ALS2: variants seen among roughly 807,000 people sequenced by gnomAD.
The protein encoded by ALS2 is alsin.
In ALS2, 117 loss-of-function variants were observed where a neutral mutation model predicts 203.4. The observed-to-expected ratio is 0.58, with a 90% confidence interval of 0.50 to 0.67. The LOEUF is 0.67. Ranked by LOEUF, ALS2 falls within the 30% of genes least tolerant of loss-of-function variation. The probability of loss-of-function intolerance (pLI) is 0.00; values close to 1 mark genes in which losing one functional copy is unlikely to be tolerated. For missense variants in ALS2, 1,715 were observed against 1,989.4 expected (o/e 0.86, Z 2.62); for synonymous variants, 718 against 725.9 (o/e 0.99, Z 0.17).
chr2:201,763,196 G>A (rs1180778924), intron 3 of ALS2: 1 of 207,360 alleles, frequency 4.8e-6, no homozygotes, highest in African/African-American at 2.4e-5. Flanking sequence ...CGTGCACAGA[G>A]GCTACTGGGG....
intron 17 of ALS2, 39 bp from the exon 18 acceptor site, chr2:201,726,905 A>G: frequency 6.4e-7 from 1 of 1,551,102 alleles, no homozygotes; most frequent in Non-Finnish European, 8.9e-7. Flanking sequence ...TTAAGGCAAC[A>G]ATTCATCAAG....
intron 4 of ALS2, among the ~76,000 whole-genome samples, chr2:201,759,270 T>C (rs1213267615): frequency 6.6e-6 from 1 of 152,214 alleles, no homozygotes; most frequent in African/African-American, 2.4e-5. Flanking sequence ...TGATGAAATA[T>C]ATAATTTTAG....
In ALS2 at chr2:201,701,892, G is replaced by A; in HGVS notation, c.4936-3C>T. On this transcript the variant is annotated splice_region_variant and splice_polypyrimidine_tract_variant and intron_variant, in intron 33 of 33. Coordinates refer to ENST00000264276, the MANE Select transcript of ALS2 (RefSeq NM_020919.4). ...CGCTGAATCTGGTAGTAACATGCCT[G>A]GAAGAAAAGTTCAAAATAATTTCAA... 6.2e-7 allele frequency: 1 copy of A among 1,613,336 alleles called. No individual in the cohort carries two copies.
At chr2:201,764,475 C>CA (rs10630810) in intron 3 of ALS2, among the ~76,000 whole-genome samples, 113 of 144,306 alleles carry the variant, frequency 7.8e-4, no homozygotes, top group African/African-American at 1.3e-3. Context: ...ACTAAAAATA[C>CA]AAAAAAAAAA....
chr2:201,761,794 G>C lies in ALS2; in HGVS notation c.200C>G (p.Thr67Ser). The C allele has an allele frequency of 6.2e-7, 1 of 1,613,346 alleles. No homozygotes were observed. Among genetic ancestry groups the C allele is most frequent in the Non-Finnish European group, 8.5e-7 (1 of 1,179,916 alleles). The change falls in exon 4 of 34, where the codon ACT becomes AGT. Residue 67 changes from threonine to serine, a missense_variant. Transcript: ENST00000264276. ...CACTGGTCCACTTCTCCAGGGAAGA[G>C]TCCCAAAGCTGTAGACCTCACCATC... Reference protein sequence around the residue: ...TEDGEVYSFGTLPWRSGPVEI... With the variant: ...TEDGEVYSFGSLPWRSGPVEI...
intron 3 of ALS2, 107 bp downstream of exon 3, chr2:201,767,116 GAAAGAA>G (rs1694128957): frequency 2.5e-6 from 3 of 1,202,360 alleles, no homozygotes; most frequent in South Asian, 2.9e-5. Context: ...AAAAAAAAAA[GAAAGAA>G]AAAGAAAAAG....
rs536549147 is a variant in ALS2 at position 201,723,206 on chromosome 2, T to C, written c.3625-86A>G. On this transcript the variant is annotated intron_variant, in intron 22 of 33. Coordinates refer to ENST00000264276, the MANE Select transcript of ALS2 (RefSeq NM_020919.4). ...ACGCAGTCATATCCCCAAAGCCTTATGGAATCTTAAAAGAAGGAAAATAGT... is the reference window on the plus strand; with the variant it reads ...ACGCAGTCATATCCCCAAAGCCTTACGGAATCTTAAAAGAAGGAAAATAGT... 1,010 of 1,394,622 alleles carry C rather than the reference T, an allele frequency of 7.2e-4. 2 individuals are homozygous for C. The highest frequency in any genetic ancestry group is 9.2e-4 in the Non-Finnish European group (900 of 980,822). The allele number at this position is 1,394,622 out of a possible 1,614,324, so 86.4% of individuals were successfully genotyped here. A position where few individuals can be genotyped will look rare whatever the true frequency, so the allele number is the denominator to read the frequency against.
At position 201,746,758 on chromosome 2, in the gene ALS2, C is replaced by A. The variant is rs191447972; in HGVS notation, c.1816-10G>T. On this transcript the variant is annotated splice_polypyrimidine_tract_variant and intron_variant, in intron 8 of 33. Transcript: ENST00000264276. ...CATTTTCACTGCTTATCTGCAACGA[C>A]AGAAAGATAGTGTCTGTCCAAGATA... The A allele has an allele frequency of 1.4e-4, 229 of 1,613,990 alleles. No individual in the cohort carries two copies. In the African/African-American group the frequency reaches 2.9e-3, roughly 20 times the overall value.
At chr2:201,749,056 T>C (rs929147275) in intron 8 of ALS2, among the ~76,000 whole-genome samples, 15 of 152,122 alleles carry the variant, frequency 9.9e-5, no homozygotes, top group African/African-American at 3.6e-4. Flanking sequence ...CCTAAAACTC[T>C]TGTTCAAGGA....
At position 201,712,753 on chromosome 2, in the gene ALS2, G is replaced by GA. The variant is rs372321027; in HGVS notation, c.4005-1646dup. Reference sequence around the variant, plus strand: ...GCAGATGGAGAAAAGCAGGAGAAAAGAAAAAAAAAAAGAAAAGAAGGTGAA... The same window carrying GA: ...GCAGATGGAGAAAAGCAGGAGAAAAGAAAAAAAAAAAAGAAAAGAAGGTGAA... On this transcript the variant is annotated intron_variant, in intron 25 of 33. Coordinates refer to ENST00000264276, the MANE Select transcript of ALS2 (RefSeq NM_020919.4). 5.5e-4 allele frequency among the ~76,000 whole-genome samples: 50 copies of GA among 90,714 alleles called. 1 individual carries two copies. Among genetic ancestry groups the GA allele is most frequent in the Middle Eastern group, 5.6e-3 (1 of 180 alleles). The allele number at this position is 90,714 out of a possible 152,430, so 59.5% of individuals were successfully genotyped here.
intron 4 of ALS2, chr2:201,759,534 A>C: frequency 1.0e-6 from 1 of 981,980 alleles, no homozygotes; most frequent in Non-Finnish European, 1.2e-6. Flanking sequence ...CCAATGTTTA[A>C]CAAAGTAAGT....
chr2:201,731,362 T>A (rs1478401638), intron 13 of ALS2, among the ~76,000 whole-genome samples: 2 of 152,158 alleles, frequency 1.3e-5, no homozygotes, highest in Non-Finnish European at 2.9e-5. Context: ...GAAAGTAGGT[T>A]AAGAGGACAG....
At chr2:201,737,649 T>C in intron 12 of ALS2, among the ~76,000 whole-genome samples, 1 of 152,136 alleles carries the variant, frequency 6.6e-6, no homozygotes, top group South Asian at 2.1e-4. Context: ...GGGCTGGGCA[T>C]GGTGGCTCAC....
chr2:201,754,553 G>A lies in ALS2; in HGVS notation c.1590C>T (p.Thr530=), dbSNP rs1402552014. Residue 530 remains threonine, a synonymous_variant, in exon 6 of 34, where the codon ACC becomes ACT. Coordinates refer to ENST00000264276, the MANE Select transcript of ALS2 (RefSeq NM_020919.4). ...GCTGCCCTTCCTTCCCTTTCCCCCA[G>A]GTCCACACTTCTGTTCTCAGAGAAG... is the stretch of plus-strand genomic sequence containing the variant. ...LLPSLRTEVW[T]WGKGKEGQLG... The A allele has an allele frequency of 1.2e-6, 2 of 1,614,054 alleles. No homozygotes were observed. The highest frequency in any genetic ancestry group is 1.7e-6 in the Non-Finnish European group (2 of 1,179,996).
intron 4 of ALS2, chr2:201,759,597 AACT>A: frequency 2.0e-6 from 2 of 983,896 alleles, no homozygotes; most frequent in Non-Finnish European, 2.4e-6. Context: ...ATTCTTGTTA[AACT>A]ACTACTTTTG....
chr2:201,780,528 A>T (rs1559099043), intron 1 of ALS2, among the ~76,000 whole-genome samples: 1 of 152,198 alleles, frequency 6.6e-6, no homozygotes. Context: ...GTGAATGAAT[A>T]GCTGGAAGGC....
intron 21 of ALS2, 58 bp from the exon 22 acceptor site, chr2:201,723,499 A>G (rs1690951404): frequency 2.8e-6 from 4 of 1,430,636 alleles, no homozygotes; most frequent in Non-Finnish European, 3.0e-6. Flanking sequence ...AGTAGGGAAA[A>G]GACAATTATC....
At position 201,729,050 on chromosome 2, in the gene ALS2, A is replaced by G. The variant is rs1490236621; in HGVS notation, c.2712+2T>C. ...TAACAAATGACAACTGGCATGGCTTACCGTCATTTTTCCGGGGAAGGTCTT... is the reference window on the plus strand; with the variant it reads ...TAACAAATGACAACTGGCATGGCTTGCCGTCATTTTTCCGGGGAAGGTCTT... On this transcript the variant is annotated splice_donor_variant, in intron 14 of 33. Coordinates refer to ENST00000264276, the MANE Select transcript of ALS2 (RefSeq NM_020919.4). LOFTEE classifies it high-confidence loss of function. 6.2e-7 allele frequency: 1 copy of G among 1,614,150 alleles called. No homozygotes were observed. Among genetic ancestry groups the G allele is most frequent in the Non-Finnish European group, 8.5e-7 (1 of 1,180,006 alleles).
At chr2:201,769,918 T>C (rs1020169655) in intron 1 of ALS2, among the ~76,000 whole-genome samples, 1 of 152,222 alleles carries the variant, frequency 6.6e-6, no homozygotes, top group Non-Finnish European at 1.5e-5. Flanking sequence ...TTCCCATCTG[T>C]ACATCTGAAG....
Sources: allele counts gnomAD v4.1 joint callset (sites outside exome capture counted in the v4.1 genomes callset), GRCh38; gene constraint gnomAD v4.1.1; transcripts MANE v1.5; gene names NCBI Gene and HGNC (gene_info 2026-07-23, HGNC 2026-07-21).